Variants in CACFD1 observed in about 807,000 individuals in gnomAD.
CACFD1 encodes the protein calcium channel flower domain containing 1.
Under a neutral mutation model 21.3 loss-of-function variants are expected in CACFD1, and 26 were observed. That is an observed-to-expected ratio of 1.22 (90% CI 0.89 to 1.69). The LOEUF is 1.69. Among genes scored for constraint, CACFD1 ranks in the 40% most tolerant of loss-of-function variants. The pLI is 0.00. For missense variants in CACFD1, 265 were observed against 236.2 expected (o/e 1.12, Z -0.80); for synonymous variants, 121 against 106.6 (o/e 1.13, Z -0.83).
At chr9:133,467,783 C>T in intron 3 of CACFD1, 138 bp from the exon 4 acceptor site, 1 of 634,408 alleles carries the variant, frequency 1.6e-6, no homozygotes, top group Middle Eastern at 4.2e-4. Context: ...CTTTCTGAAG[C>T]TGTGTCTCAG....
chr9:133,460,171 G>C lies in CACFD1; in HGVS notation c.105G>C (p.Gly35=). ...WWYRWLCRLS[G]VLGAVSCAIS... Reference sequence around the variant, plus strand: ...ACCGCTGGCTGTGTCGCCTGTCTGGGGTGCTGGGGGCAGTCTGTGAGTATC... The same window carrying C: ...ACCGCTGGCTGTGTCGCCTGTCTGGCGTGCTGGGGGCAGTCTGTGAGTATC... Residue 35 remains glycine (G), a synonymous_variant, in exon 1 of 5, where the codon GGG becomes GGC. Coordinates refer to ENST00000316948, the MANE Select transcript of CACFD1 (RefSeq NM_017586.5). 3.2e-6 allele frequency: 5 copies of C among 1,555,514 alleles called. No individual in the cohort carries two copies. The highest frequency in any genetic ancestry group is 4.3e-6 in the Non-Finnish European group (5 of 1,150,148).
At position 133,462,160 on chromosome 9, in the gene CACFD1, G is replaced by A. The variant is rs978383636; in HGVS notation, c.122-1323G>A. The A allele has an allele frequency of 9.2e-6, 12 of 1,304,194 alleles. No homozygotes were observed. The East Asian group carries it at 1.7e-4, about 18-fold the overall frequency. 80.8% of individuals were successfully genotyped at this position (1,304,194 alleles called of 1,614,324 possible). ...GCTGGCTGTGGGTTGGACAGCTGGG[G>A]TAGGGTTGGAGCTGGAGGCCAAATG... On this transcript the variant is annotated intron_variant, in intron 1 of 4. Coordinates refer to ENST00000316948, the MANE Select transcript of CACFD1 (RefSeq NM_017586.5).
At position 133,465,523 on chromosome 9, in the gene CACFD1, G is replaced by A; in HGVS notation, c.320+76G>A. 1 of 1,422,872 alleles carries A rather than the reference G, an allele frequency of 7.0e-7. No individual in the cohort carries two copies. Among genetic ancestry groups the A allele is most frequent in the African/African-American group, 1.4e-5 (1 of 71,044 alleles). The allele number at this position is 1,422,872 out of a possible 1,614,324, so 88.1% of individuals were successfully genotyped here. A position where few individuals can be genotyped will look rare whatever the true frequency, so the allele number is the denominator to read the frequency against. On this transcript the variant is annotated intron_variant, in intron 3 of 4. Transcript: ENST00000316948. The surrounding 1 kb of genome is among the most constrained non-coding windows in gnomAD (Gnocchi z 5.0). Reference sequence around the variant, plus strand: ...TGACAAAATAGGACCCAAAAGTCAGGTGAGGGTGGGCAGTGTATTCAGTTC... The same window carrying A: ...TGACAAAATAGGACCCAAAAGTCAGATGAGGGTGGGCAGTGTATTCAGTTC...
At chr9:133,468,537 G>A (rs372060764) in intron 4 of CACFD1, 26 bp from the exon 5 acceptor site, 18 of 1,559,480 alleles carry the variant, frequency 1.2e-5, no homozygotes, top group East Asian at 7.0e-5. Flanking sequence ...GGTGCTCCAC[G>A]TGACGCTGCC....
chr9:133,467,049 C>T (rs587652008), intron 3 of CACFD1, among the ~76,000 whole-genome samples: 1 of 152,246 alleles, frequency 6.6e-6, no homozygotes, highest in African/African-American at 2.4e-5. Context: ...ATTATTTTAT[C>T]ATTTTGAAAT....
At chr9:133,461,735 T>C (rs756820) in intron 1 of CACFD1, 30,346 of 317,520 alleles carry the variant, frequency 0.096, 1,532 homozygotes, top group Middle Eastern at 0.13. Context: ...GAGAAACTTG[T>C]GGCATTGCCC....
intron 3 of CACFD1, among the ~76,000 whole-genome samples, chr9:133,467,347 C>T (rs1554799747): frequency 6.6e-6 from 1 of 152,246 alleles, no homozygotes; most frequent in African/African-American, 2.4e-5. Context: ...TCTGGGCCGA[C>T]CCCGCAGACC....
At chr9:133,461,224 A>G (rs1202276297) in intron 1 of CACFD1, among the ~76,000 whole-genome samples, 1 of 152,210 alleles carries the variant, frequency 6.6e-6, no homozygotes, top group Non-Finnish European at 1.5e-5. Flanking sequence ...TTTCAGGGTC[A>G]CCTTGGGTTC....
At position 133,460,029 on chromosome 9, in the gene CACFD1, C is replaced by A. The variant is rs781841314; in HGVS notation, c.-38C>A. The A allele has an allele frequency of 2.6e-6, 4 of 1,517,426 alleles. No individual in the cohort carries two copies. Among genetic ancestry groups the A allele is most frequent in the Non-Finnish European group, 8.8e-7 (1 of 1,133,256 alleles). The allele number at this position is 1,517,426 out of a possible 1,614,324, so 94.0% of individuals were successfully genotyped here. ...CTCGGACGCGGCCGGCTACCGAGCC[C>A]TTTGTGAGGGCTGTGAGCTGCGCCT... On this transcript the variant is annotated 5_prime_UTR_variant, in exon 1 of 5. Coordinates refer to ENST00000316948, the MANE Select transcript of CACFD1 (RefSeq NM_017586.5).
chr9:133,467,969 G>A lies in CACFD1; in HGVS notation c.369G>A (p.Leu123=). ...TCAGCCTGACCCTGACCACGCTGCT[G>A]GGCAACGCCATCGCCTTTGCTACGG... is the stretch of plus-strand genomic sequence containing the variant. The part of the protein sequence containing the change: ...IVISLTLTTL[L]GNAIAFATGV... The change falls in exon 4 of 5, where the codon CTG becomes CTA. Residue 123 remains leucine (L), a synonymous_variant. Transcript: ENST00000316948. 6.2e-7 allele frequency: 1 copy of A among 1,613,880 alleles called. No homozygotes were observed. Among genetic ancestry groups the A allele is most frequent in the Non-Finnish European group, 8.5e-7 (1 of 1,180,018 alleles).
At position 133,465,673 on chromosome 9, in the gene CACFD1, G is replaced by T; in HGVS notation, c.320+226G>T. 1 of 554,954 alleles carries T rather than the reference G, an allele frequency of 1.8e-6. No individual in the cohort carries two copies. The highest frequency in any genetic ancestry group is 3.1e-5 in the East Asian group (1 of 31,750). The allele number at this position is 554,954 out of a possible 1,614,324, so 34.4% of individuals were successfully genotyped here. On this transcript the variant is annotated intron_variant, in intron 3 of 4. Transcript: ENST00000316948. The surrounding 1 kb of genome is among the most constrained non-coding windows in gnomAD (Gnocchi z 5.0). ...GTCGCTGTGCCGTAGTCACTGGAAGGTTCAGAGGTATATGAGCATGTGTGG... is the reference window on the plus strand; with the variant it reads ...GTCGCTGTGCCGTAGTCACTGGAAGTTTCAGAGGTATATGAGCATGTGTGG...
Position 133,460,140 on chromosome 9 carries a change from G to A in CACFD1, c.74G>A (p.Trp25Ter). 2 of 1,560,896 alleles carry A rather than the reference G, an allele frequency of 1.3e-6. No individual in the cohort carries two copies. Among genetic ancestry groups the A allele is most frequent in the Non-Finnish European group, 1.7e-6 (2 of 1,152,456 alleles). ...APPAQEEGMT[W>*]WYRWLCRLSG... is the part of the protein sequence containing the mutation. The stretch of plus-strand genomic sequence containing the variant: ...CCCGCGCAGGAAGAGGGCATGACGT[G>A]GTGGTACCGCTGGCTGTGTCGCCTG... Residue 25 changes from tryptophan to a stop codon, truncating the protein, a stop_gained, in exon 1 of 5, where the codon TGG becomes TAG. Coordinates refer to ENST00000316948, the MANE Select transcript of CACFD1 (RefSeq NM_017586.5). LOFTEE classifies it high-confidence loss of function.
chr9:133,466,146 A>G (rs1554799502), intron 3 of CACFD1, among the ~76,000 whole-genome samples: 1 of 152,206 alleles, frequency 6.6e-6, no homozygotes, highest in African/African-American at 2.4e-5. Flanking sequence ...AGCACAAGCC[A>G]CATGCTTAGT....
intron 3 of CACFD1, 57 bp from the exon 4 acceptor site, chr9:133,467,864 G>A: frequency 7.9e-7 from 1 of 1,273,218 alleles, no homozygotes; most frequent in Non-Finnish European, 1.1e-6. Flanking sequence ...GGGAAGCGGG[G>A]AAGGATGTGG....
intron 4 of CACFD1, chr9:133,468,269 C>T: frequency 6.8e-7 from 1 of 1,469,194 alleles, no homozygotes; most frequent in Non-Finnish European, 9.0e-7. Flanking sequence ...AAAAACATGG[C>T]TGGTGGGAGC....
chr9:133,460,013 GGCC>G lies in CACFD1; in HGVS notation c.-52_-50del. 5 of 1,474,772 alleles carry G rather than the reference GGCC, an allele frequency of 3.4e-6. No homozygotes were observed. Among genetic ancestry groups the G allele is most frequent in the Non-Finnish European group, 4.5e-6 (5 of 1,114,158 alleles). 91.4% of individuals were successfully genotyped at this position (1,474,772 alleles called of 1,614,324 possible). ...CAAGGCAGCGCGCCGGCTCGGACGC[GGCC>G]GGCTACCGAGCCCTTTGTGAGGGCT... On this transcript the variant is annotated 5_prime_UTR_variant, in exon 1 of 5. Transcript: ENST00000316948.
chr9:133,466,732 C>A (rs140193101), intron 3 of CACFD1, among the ~76,000 whole-genome samples: 115 of 152,236 alleles, frequency 7.6e-4, no homozygotes, highest in African/African-American at 2.6e-3. Context: ...GTCTCTCCCC[C>A]GCCCCCACCC....
At chr9:133,460,809 C>G (rs587741848) in intron 1 of CACFD1, among the ~76,000 whole-genome samples, 2 of 152,330 alleles carry the variant, frequency 1.3e-5, no homozygotes, top group South Asian at 2.1e-4. Flanking sequence ...TCCCTGGGTC[C>G]TCTGTCCGCT....
Position 133,465,300 on chromosome 9 carries a change from TCTC to T in CACFD1, c.195-19_195-17del, listed in dbSNP as rs1564456488. On this transcript the variant is annotated intron_variant, in intron 2 of 4. Coordinates refer to ENST00000316948, the MANE Select transcript of CACFD1 (RefSeq NM_017586.5). The surrounding 1 kb of genome is among the most constrained non-coding windows in gnomAD (Gnocchi z 5.0). ...TCCTGGGATTGTCAGTCGCTGCTCTTCTCCTGCCCTGGTCCCTGCAGCATGAAT... is the reference window on the plus strand; with the variant it reads ...TCCTGGGATTGTCAGTCGCTGCTCTTCTGCCCTGGTCCCTGCAGCATGAAT... 1.2e-6 allele frequency: 2 copies of T among 1,613,402 alleles called. No homozygotes were observed. The highest frequency in any genetic ancestry group is 1.1e-5 in the South Asian group (1 of 91,064).
Sources: gnomAD v4.1 joint callset for allele counts (sites outside exome capture counted in the v4.1 genomes callset) on GRCh38, gnomAD v4.1.1 for gene constraint, Gnocchi (gnomAD v3.1) non-coding constraint, MANE v1.5 for transcripts, NCBI Gene and HGNC (gene_info 2026-07-23, HGNC 2026-07-21) for gene names.